The following NUP107 variants were observed in gnomAD, a reference collection of about 807,000 sequenced individuals.
NUP107 encodes nucleoporin 107.
NUP107 carries 101 observed loss-of-function variants against 141.0 expected under a neutral mutation model. That is an observed-to-expected ratio of 0.72 (90% CI 0.61 to 0.84). The LOEUF (loss-of-function observed/expected upper bound fraction) is 0.84, where lower values mean the gene tolerates loss of function less well. Ranked by LOEUF, NUP107 falls within the 40% of genes least tolerant of loss-of-function variation. The pLI, the probability that NUP107 is intolerant of heterozygous loss-of-function variation, is 0.00. For synonymous variants in NUP107, 319 were observed against 363.9 expected, an observed-to-expected ratio of 0.88 and a Z score of 1.41; for missense variants, 941 against 1,102.7, an observed-to-expected ratio of 0.85 and a Z score of 2.08.
In NUP107 at chr12:68,729,078, C is replaced by T. The variant is rs77083843; in HGVS notation, c.1734+1689C>T. The stretch of plus-strand genomic sequence containing the variant: ...AAAAAACAAGACCTGGGAAAGCTTA[C>T]TTTTTATTGCAGTATGCAACTGAAG... On this transcript the variant is annotated intron_variant, in intron 20 of 27. Coordinates refer to ENST00000229179, the MANE Select transcript of NUP107 (RefSeq NM_020401.4). Among the ~76,000 whole-genome samples, 669 of 152,248 alleles carry T rather than the reference C, an allele frequency of 4.4e-3. 10 individuals are homozygous for T. The highest frequency in any genetic ancestry group is 0.016 in the African/African-American group (645 of 41,564).
chr12:68,703,964 C>A (rs1876458364), intron 8 of NUP107, among the ~76,000 whole-genome samples: 1 of 152,120 alleles, frequency 6.6e-6, no homozygotes, highest in South Asian at 2.1e-4. Context: ...GTCCCAGCAA[C>A]TTGTCAGGCT....
At chr12:68,716,241 C>CTTTTTTT (rs370681977) in intron 12 of NUP107, among the ~76,000 whole-genome samples, 1 of 116,734 alleles carries the variant, frequency 8.6e-6, no homozygotes, top group Non-Finnish European at 1.7e-5. Flanking sequence ...TTCTTTCTTT[C>CTTTTTTT]TTTCTTTTTT....
At position 68,690,742 on chromosome 12, in the gene NUP107, C is replaced by G; in HGVS notation, c.299C>G (p.Ser100Cys). ...TQSSGFFGNL[S>C]MVTNLDDSNW... is the part of the protein sequence containing the mutation. ...TCTTCAGGGTTCTTTGGAAATCTCT[C>G]CATGGTATGTAGAAAAATAGGGCTA... The change falls in exon 4 of 28, where the codon TCC (serine) becomes TGC (cysteine). Residue 100 changes from serine (S) to cysteine (C), a missense_variant. By Grantham distance (112) the Ser-to-Cys change is moderately radical. Transcript: ENST00000229179. 6.2e-7 allele frequency: 1 copy of G among 1,613,980 alleles called. No individual in the cohort carries two copies. The highest frequency in any genetic ancestry group is 8.5e-7 in the Non-Finnish European group (1 of 1,179,932).
chr12:68,710,823 T>C (rs543788800), intron 10 of NUP107, among the ~76,000 whole-genome samples: 8 of 152,264 alleles, frequency 5.3e-5, no homozygotes, highest in Admixed American at 3.3e-4. Context: ...TGGGAGAACA[T>C]GTGTAGGTTA....
intron 19 of NUP107, 129 bp from the exon 20 acceptor site, chr12:68,727,222 G>A: frequency 2.0e-6 from 1 of 490,274 alleles, no homozygotes; most frequent in South Asian, 3.7e-5. Flanking sequence ...CACTTAGCTT[G>A]GTGTATAGTT....
intron 22 of NUP107, 174 bp from the exon 23 acceptor site, chr12:68,732,463 G>T (rs1877871703): frequency 2.1e-6 from 1 of 485,440 alleles, no homozygotes; most frequent in African/African-American, 2.0e-5. Context: ...ATAGAGAGCT[G>T]TTAAATATGA....
chr12:68,690,181 T>C (rs1258898522), intron 3 of NUP107, among the ~76,000 whole-genome samples: 1 of 146,702 alleles, frequency 6.8e-6, no homozygotes, highest in East Asian at 2.1e-4. Flanking sequence ...AAAAAAAAAA[T>C]CCCAGTTCCA....
Position 68,696,761 on chromosome 12 carries a change from C to A in NUP107, c.449-58C>A, listed in dbSNP as rs916729577. On this transcript the variant is annotated intron_variant, in intron 5 of 27. Transcript: ENST00000229179. ...TACATTTTCAAACAAACGGAATTAC[C>A]TAGAAGTACGTCACTTAACTTTTCT... The A allele has an allele frequency of 7.9e-6, 7 of 890,024 alleles. No homozygotes were observed. The African/African-American group carries it at 1.2e-4, about 15-fold the overall frequency. 55.1% of individuals were successfully genotyped at this position (890,024 alleles called of 1,614,324 possible). A position where few individuals can be genotyped will look rare whatever the true frequency, so the allele number is the denominator to read the frequency against.
At position 68,690,629 on chromosome 12, in the gene NUP107, A is replaced by G. The variant is rs1198746711; in HGVS notation, c.188-2A>G. 1 of 1,614,026 alleles carries G rather than the reference A, an allele frequency of 6.2e-7. No homozygotes were observed. The highest frequency in any genetic ancestry group is 8.5e-7 in the Non-Finnish European group (1 of 1,179,996). ...TTCTTTCTACCAACCTTTTGTTTAT[A>G]GTTACCCCAACAAGCCGAAGCTTAC... On this transcript the variant is annotated splice_acceptor_variant, in intron 3 of 27. Transcript: ENST00000229179. LOFTEE classifies it high-confidence loss of function.
At chr12:68,732,584 T>TA in intron 22 of NUP107, 53 bp from the exon 23 acceptor site, 6 of 1,138,316 alleles carry the variant, frequency 5.3e-6, no homozygotes, top group East Asian at 2.6e-5. Context: ...TAGAATATCT[T>TA]TAAAAAAAAA....
At chr12:68,689,415 C>T (rs1208578918) in intron 2 of NUP107, 118 bp from the exon 3 acceptor site, 3 of 623,842 alleles carry the variant, frequency 4.8e-6, no homozygotes, top group African/African-American at 1.9e-5. Flanking sequence ...AAATGGTAGC[C>T]CTAAAATACT....
intron 3 of NUP107, among the ~76,000 whole-genome samples, chr12:68,690,157 G>A (rs1875714117): frequency 6.8e-6 from 1 of 146,192 alleles, no homozygotes; most frequent in Non-Finnish European, 1.5e-5. Context: ...TCCAGCTGGG[G>A]CGACAGAGCA....
chr12:68,741,316 TTC>T (rs770507746), intron 26 of NUP107, among the ~76,000 whole-genome samples: 9 of 152,264 alleles, frequency 5.9e-5, no homozygotes, highest in Admixed American at 2.0e-4. Context: ...GGTTCTGTTT[TTC>T]TGTTTTTAAA....
intron 4 of NUP107, 51 bp from the exon 5 acceptor site, chr12:68,691,917 A>T (rs1363944432): frequency 3.4e-6 from 5 of 1,467,780 alleles, no homozygotes; most frequent in Non-Finnish European, 4.6e-6. Context: ...CCACTCAGTG[A>T]CAATAACTCC....
intron 5 of NUP107, among the ~76,000 whole-genome samples, chr12:68,692,742 C>T (rs1235439270): frequency 1.4e-5 from 2 of 146,280 alleles, no homozygotes; most frequent in Non-Finnish European, 3.0e-5. Context: ...ACCACCATGC[C>T]TAGCTAATTT....
Position 68,744,335 on chromosome 12 carries a change from A to T in NUP107, c.*1873A>T, listed in dbSNP as rs1169221717. ...GTTGTGGAATTACAAAATTCCTTCA[A>T]CCTTAGACTCTTAATTAGGATGCCC... On this transcript the variant is annotated 3_prime_UTR_variant, in exon 28 of 28. Transcript: ENST00000229179. 1.3e-5 allele frequency: 2 copies of T among 152,162 alleles called. No homozygotes were observed. Among genetic ancestry groups the T allele is most frequent in the African/African-American group, 4.8e-5 (2 of 41,432 alleles). The allele number at this position is 152,162 out of a possible 1,614,324, so 9.4% of individuals were successfully genotyped here.
At chr12:68,725,831 G>A (rs773815460) in intron 18 of NUP107, 35 bp downstream of exon 18, 1 of 921,376 alleles carries the variant, frequency 1.1e-6, no homozygotes, top group Non-Finnish European at 1.5e-6. Context: ...TGTGTTTTTT[G>A]TGTGTGTTTT....
chr12:68,723,314 T>C (rs1245123640), intron 17 of NUP107, among the ~76,000 whole-genome samples: 1 of 152,018 alleles, frequency 6.6e-6, no homozygotes, highest in African/African-American at 2.4e-5. Context: ...ATTGTACTAC[T>C]GCACTGGAGC....
intron 8 of NUP107, 153 bp from the exon 9 acceptor site, chr12:68,709,085 T>C (rs1404977986): frequency 1.9e-6 from 1 of 524,668 alleles, no homozygotes; most frequent in East Asian, 3.3e-5. Context: ...CTTTCAATGA[T>C]GAATATACAG....
Sources: gnomAD v4.1 joint callset for allele counts (sites outside exome capture counted in the v4.1 genomes callset) on GRCh38, gnomAD v4.1.1 for gene constraint, MANE v1.5 for transcripts, NCBI Gene and HGNC (gene_info 2026-07-23, HGNC 2026-07-21) for gene names.